The following ANKRD17 variants were observed in gnomAD, a reference collection of about 807,000 sequenced individuals.
The protein encoded by ANKRD17 is ankyrin repeat domain-containing protein 17.
Under a neutral mutation model 229.7 loss-of-function variants are expected in ANKRD17, and 19 were observed. The observed-to-expected ratio is 0.08, with a 90% CI of 0.06 to 0.12. The LOEUF is 0.12. Among genes scored for constraint, ANKRD17 ranks in the 10% least tolerant of loss-of-function variants. ANKRD17 has a pLI of 1.00. For missense variants in ANKRD17, 2,176 were observed against 3,176.8 expected (o/e 0.68, Z 7.57); for synonymous variants, 1,112 against 1,146.1 (o/e 0.97, Z 0.60).
chr4:73,146,970 C>G, intron 9 of ANKRD17, 97 bp from the exon 10 acceptor site: 1 of 953,448 alleles, frequency 1.0e-6, no homozygotes, highest in Non-Finnish European at 1.5e-6. Flanking sequence ...CATACCTCCT[C>G]AAGTTAAACA....
At chr4:73,154,898 G>A (rs1012128954) in intron 5 of ANKRD17, among the ~76,000 whole-genome samples, 12 of 151,942 alleles carry the variant, frequency 7.9e-5, no homozygotes, top group African/African-American at 2.4e-4. Flanking sequence ...AAAATTAGCC[G>A]GGCATAGTGG....
chr4:73,162,000 C>T (rs1256344160), intron 2 of ANKRD17, among the ~76,000 whole-genome samples: 1 of 151,874 alleles, frequency 6.6e-6, no homozygotes, highest in Non-Finnish European at 1.5e-5. Flanking sequence ...ACTCAGCCTC[C>T]CAGTAGCTGG....
intron 2 of ANKRD17, among the ~76,000 whole-genome samples, chr4:73,166,403 A>G (rs1352297007): frequency 6.6e-6 from 1 of 152,210 alleles, no homozygotes; most frequent in Non-Finnish European, 1.5e-5. Flanking sequence ...AAGGTCTGAG[A>G]GTGGTTTTTT....
At chr4:73,177,818 G>A (rs1734939473) in intron 1 of ANKRD17, among the ~76,000 whole-genome samples, 1 of 152,062 alleles carries the variant, frequency 6.6e-6, no homozygotes, top group African/African-American at 2.4e-5. Flanking sequence ...GGTATATGTA[G>A]GGTTGAGTGT....
At position 73,122,682 on chromosome 4, in the gene ANKRD17, A is replaced by G. The variant is rs537371709; in HGVS notation, c.3493-923T>C. ...TAAAATACTAACTGGCAAATAATAAATGTTAATGAATAGTGGTTTATCTTG... is the reference window on the plus strand; with the variant it reads ...TAAAATACTAACTGGCAAATAATAAGTGTTAATGAATAGTGGTTTATCTTG... On this transcript the variant is annotated intron_variant, in intron 18 of 33. Transcript: ENST00000358602. Among the ~76,000 whole-genome samples, 49 of 152,264 alleles carry G rather than the reference A, an allele frequency of 3.2e-4. No homozygotes were observed. In the South Asian group the frequency reaches 8.7e-3, roughly 27 times the overall value.
At position 73,135,184 on chromosome 4, in the gene ANKRD17, G is replaced by A; in HGVS notation, c.3167C>T (p.Thr1056Ile). 6.2e-7 allele frequency: 1 copy of A among 1,613,842 alleles called. No homozygotes were observed. The highest frequency in any genetic ancestry group is 1.1e-5 in the South Asian group (1 of 91,078). ...AASISQPQTPTPSPIISPSAM... is the reference protein window; with the variant it reads ...AASISQPQTPIPSPIISPSAM... ...TGAAGGAGAGATGATAGGACTTGGAGTTGGAGTCTGAGGTTGGGAAATGGA... is the reference window on the plus strand; with the variant it reads ...TGAAGGAGAGATGATAGGACTTGGAATTGGAGTCTGAGGTTGGGAAATGGA... The change falls in exon 16 of 34, where the codon ACT becomes ATT. Residue 1056 changes from threonine (T) to isoleucine (I), a missense_variant. Thr to Ile is a moderately conservative substitution (Grantham distance 89). Coordinates refer to ENST00000358602, the MANE Select transcript of ANKRD17 (RefSeq NM_032217.5).
intron 1 of ANKRD17, among the ~76,000 whole-genome samples, chr4:73,229,667 G>A (rs1411132552): frequency 6.7e-6 from 1 of 149,844 alleles, no homozygotes; most frequent in South Asian, 2.1e-4. Flanking sequence ...CTGATATACA[G>A]GTGGAGAAGA....
In ANKRD17 at chr4:73,258,294, CTCG is replaced by C. The variant is rs746084804; in HGVS notation, c.372_374del (p.Asp124del). ...CCCTTGCCTCAGAAACCTCCTCTTC[CTCG>C]TCGTCGTCGTCCTCTTCTTCCTCGC... On this transcript the variant is annotated inframe_deletion, in exon 1 of 34. Coordinates refer to ENST00000358602, the MANE Select transcript of ANKRD17 (RefSeq NM_032217.5). The C allele has an allele frequency of 1.2e-6, 2 of 1,613,818 alleles. No individual in the cohort carries two copies. The highest frequency in any genetic ancestry group is 8.5e-7 in the Non-Finnish European group (1 of 1,180,000).
At chr4:73,223,202 ATTTT>A (rs999238006) in intron 1 of ANKRD17, 133 of 515,078 alleles carry the variant, frequency 2.6e-4, no homozygotes, top group Non-Finnish European at 4.0e-4. Flanking sequence ...CTCACTGTGT[ATTTT>A]TTAAAGATAC....
At chr4:73,108,223 G>C (rs1202364221) in intron 24 of ANKRD17, among the ~76,000 whole-genome samples, 1 of 152,170 alleles carries the variant, frequency 6.6e-6, no homozygotes, top group Non-Finnish European at 1.5e-5. Flanking sequence ...AGCAATAAGA[G>C]TTGTGGGTTT....
chr4:73,141,621 G>T (rs1214524412), intron 14 of ANKRD17, 120 bp downstream of exon 14: 2 of 885,258 alleles, frequency 2.3e-6, no homozygotes, highest in South Asian at 1.7e-5. Context: ...TTTATCATGG[G>T]TTAAAAATTT....
intron 11 of ANKRD17, 75 bp from the exon 12 acceptor site, chr4:73,142,842 T>C (rs373856856): frequency 1.3e-6 from 2 of 1,486,690 alleles, no homozygotes; most frequent in South Asian, 1.3e-5. Context: ...TTAAAAATCA[T>C]GAAGAGTAGA....
At chr4:73,081,352 T>C (rs1721538991) in intron 30 of ANKRD17, among the ~76,000 whole-genome samples, 1 of 151,662 alleles carries the variant, frequency 6.6e-6, no homozygotes, top group African/African-American at 2.4e-5. Context: ...AGACCACAAA[T>C]CCTCTAAGAG....
At chr4:73,086,919 A>AAAAT (rs1553911000) in intron 29 of ANKRD17, among the ~76,000 whole-genome samples, 2 of 12,462 alleles carry the variant, frequency 1.6e-4, no homozygotes, top group African/African-American at 2.6e-4. Flanking sequence ...AAAAAAAAAA[A>AAAAT]ATATATATAT....
intron 22 of ANKRD17, among the ~76,000 whole-genome samples, chr4:73,118,260 A>G (rs369775909): frequency 5.3e-5 from 8 of 152,138 alleles, no homozygotes; most frequent in African/African-American, 1.7e-4. Flanking sequence ...GATTACAGGC[A>G]TGAGCCACCA....
At chr4:73,186,292 C>T (rs1736281611) in intron 1 of ANKRD17, among the ~76,000 whole-genome samples, 1 of 151,858 alleles carries the variant, frequency 6.6e-6, no homozygotes, top group South Asian at 2.1e-4. Flanking sequence ...TGTCACAGAA[C>T]ACTAATCCAA....
In ANKRD17 at chr4:73,125,272, G is replaced by C; in HGVS notation, c.3275C>G (p.Ala1092Gly). The change falls in exon 17 of 34, where the codon GCT (alanine) becomes GGT (glycine). Residue 1092 changes from alanine to glycine, a missense_variant. Around this residue, in one of 18 missense-constraint regions of ANKRD17, gnomAD observed 230 missense variants for 252.3 expected, o/e 0.91. Transcript: ENST00000358602. Reference sequence around the variant, plus strand: ...TTGTACCAGTTCCTCGTGGCCACCAGCACAGGCAAGTGTTAGTGCCGTGTC... The same window carrying C: ...TTGTACCAGTTCCTCGTGGCCACCACCACAGGCAAGTGTTAGTGCCGTGTC... ...NHDTALTLAC[A>G]GGHEELVQTL... is the part of the protein sequence containing the mutation. 6.2e-7 allele frequency: 1 copy of C among 1,613,868 alleles called. No homozygotes were observed. The highest frequency in any genetic ancestry group is 8.5e-7 in the Non-Finnish European group (1 of 1,179,918).
At chr4:73,162,490 C>T (rs934852568) in intron 2 of ANKRD17, among the ~76,000 whole-genome samples, 3 of 152,038 alleles carry the variant, frequency 2.0e-5, no homozygotes, top group African/African-American at 7.2e-5. Flanking sequence ...ACTACTTCAT[C>T]GGGCCAATGT....
chr4:73,149,521 A>C (rs895797891), intron 7 of ANKRD17, among the ~76,000 whole-genome samples: 2 of 152,180 alleles, frequency 1.3e-5, no homozygotes, highest in Non-Finnish European at 2.9e-5. Flanking sequence ...TTAGGGGAAC[A>C]CAAATGCGTA....
Sources: gnomAD v4.1 joint callset for allele counts (sites outside exome capture counted in the v4.1 genomes callset) on GRCh38, gnomAD v4.1.1 for gene constraint, gnomAD v4.1.1 regional missense constraint, MANE v1.5 for transcripts, NCBI Gene and HGNC (gene_info 2026-07-23, HGNC 2026-07-21) for gene names.